SCFD2: variants seen among roughly 807,000 people sequenced by gnomAD.
The protein encoded by SCFD2 is sec1 family domain containing 2.
A neutral mutation model predicts 58.9 loss-of-function variants in SCFD2; 54 were observed. The observed-to-expected ratio is 0.92, with a 90% CI of 0.74 to 1.15. The LOEUF is 1.15. Among genes scored for constraint, SCFD2 ranks in the 50% most tolerant of loss-of-function variants. SCFD2 has a pLI of 0.00. For missense variants in SCFD2, 805 were observed against 836.6 expected (o/e 0.96, Z 0.47); for synonymous variants, 321 against 335.9 (o/e 0.96, Z 0.49).
intron 4 of SCFD2, among the ~76,000 whole-genome samples, chr4:53,236,459 T>C (rs1729614552): frequency 6.7e-6 from 1 of 149,906 alleles, no homozygotes; most frequent in Non-Finnish European, 1.5e-5. Context: ...AGGATATATA[T>C]ATATATATAT....
chr4:53,231,681 G>C (rs1268829679), intron 4 of SCFD2, among the ~76,000 whole-genome samples: 1 of 152,050 alleles, frequency 6.6e-6, no homozygotes, highest in African/African-American at 2.4e-5. Flanking sequence ...TGCCTTGGTT[G>C]ATAAATTCAT....
At chr4:52,992,681 C>T (rs1424830172) in intron 5 of SCFD2, among the ~76,000 whole-genome samples, 1 of 152,138 alleles carries the variant, frequency 6.6e-6, no homozygotes, top group Non-Finnish European at 1.5e-5. Context: ...TGGCCGCCAC[C>T]CCATCTGGGA....
At chr4:53,081,736 T>G (rs1470998829) in intron 5 of SCFD2, among the ~76,000 whole-genome samples, 1 of 152,150 alleles carries the variant, frequency 6.6e-6, no homozygotes, top group African/African-American at 2.4e-5. Context: ...TATATTATAT[T>G]GACAAGATTG....
intron 5 of SCFD2, among the ~76,000 whole-genome samples, chr4:52,980,342 G>C (rs1721348317): frequency 6.6e-6 from 1 of 152,104 alleles, no homozygotes; most frequent in Non-Finnish European, 1.5e-5. Flanking sequence ...GTTCAGTGTT[G>C]AGTAATTTGC....
intron 4 of SCFD2, among the ~76,000 whole-genome samples, chr4:53,153,338 C>T (rs1726569582): frequency 6.6e-6 from 1 of 152,228 alleles, no homozygotes; most frequent in Non-Finnish European, 1.5e-5. Context: ...TGCGTGCCTA[C>T]AGTCTTAAAA....
rs189471912 is a variant in SCFD2 at position 53,327,693 on chromosome 4, T to A, written c.1008-13930A>T. ...AATACAGGAGACTGAGCAAAGTAAG[T>A]AAATCTACTGAGGGATAAGAGGGTC... On this transcript the variant is annotated intron_variant, in intron 2 of 8. Coordinates refer to ENST00000401642, the MANE Select transcript of SCFD2 (RefSeq NM_152540.4). 2.6e-5 allele frequency among the ~76,000 whole-genome samples: 4 copies of A among 152,230 alleles called. 1 individual carries two copies. Among genetic ancestry groups the A allele is most frequent in the Middle Eastern group, 6.8e-3 (2 of 294 alleles).
chr4:53,034,672 C>A (rs752570960), intron 5 of SCFD2, among the ~76,000 whole-genome samples: 1 of 152,156 alleles, frequency 6.6e-6, no homozygotes, highest in Non-Finnish European at 1.5e-5. Flanking sequence ...CATTCCTATA[C>A]ACCAATAACA....
At chr4:53,332,292 C>A (rs1211515917) in intron 2 of SCFD2, among the ~76,000 whole-genome samples, 1 of 151,132 alleles carries the variant, frequency 6.6e-6, no homozygotes, top group East Asian at 1.9e-4. Context: ...GAGACACAAC[C>A]AAAAAAGAGA....
At chr4:53,091,270 A>G (rs1724461448) in intron 5 of SCFD2, among the ~76,000 whole-genome samples, 1 of 152,052 alleles carries the variant, frequency 6.6e-6, no homozygotes, top group African/African-American at 2.4e-5. Context: ...AGCAGAAAGG[A>G]ATAATGCTAT....
intron 4 of SCFD2, among the ~76,000 whole-genome samples, chr4:53,216,316 AT>A (rs1280986700): frequency 6.6e-6 from 1 of 152,098 alleles, no homozygotes; most frequent in East Asian, 1.9e-4. Flanking sequence ...TATTGCCTCA[AT>A]TTCAGAGCCT....
intron 5 of SCFD2, chr4:52,957,986 C>T (rs1186903114): frequency 6.6e-6 from 1 of 152,206 alleles, no homozygotes; most frequent in Non-Finnish European, 1.5e-5. Context: ...AACATACGGG[C>T]TCCTTGTGTA....
intron 3 of SCFD2, among the ~76,000 whole-genome samples, chr4:53,277,374 A>T (rs1731359111): frequency 6.6e-6 from 1 of 152,372 alleles, no homozygotes; most frequent in East Asian, 1.9e-4. Flanking sequence ...ATTTATTTAT[A>T]TAAACACTGT....
At chr4:53,248,026 T>A (rs1211896087) in intron 4 of SCFD2, among the ~76,000 whole-genome samples, 1 of 152,172 alleles carries the variant, frequency 6.6e-6, no homozygotes, top group Non-Finnish European at 1.5e-5. Context: ...TTCATCTCAC[T>A]AGGGAGTGCC....
At chr4:53,249,748 G>A (rs1343371489) in intron 4 of SCFD2, among the ~76,000 whole-genome samples, 1 of 152,128 alleles carries the variant, frequency 6.6e-6, no homozygotes, top group South Asian at 2.1e-4. Context: ...ACAAGCAAAT[G>A]CTGAGAGATT....
At chr4:52,996,312 G>A (rs186637051) in intron 5 of SCFD2, among the ~76,000 whole-genome samples, 91 of 152,364 alleles carry the variant, frequency 6.0e-4, no homozygotes, top group Non-Finnish European at 6.0e-4. Flanking sequence ...ATGTGCAGAC[G>A]ATAACAGAGC....
chr4:53,032,523 A>G (rs1722640139), intron 5 of SCFD2, among the ~76,000 whole-genome samples: 1 of 152,230 alleles, frequency 6.6e-6, no homozygotes, highest in Non-Finnish European at 1.5e-5. Flanking sequence ...AAGACCCATC[A>G]GTGTGCTGTA....
At chr4:52,886,065 G>A (rs1718733242) in intron 7 of SCFD2, among the ~76,000 whole-genome samples, 199 bp from the exon 8 acceptor site, 1 of 152,126 alleles carries the variant, frequency 6.6e-6, no homozygotes, top group South Asian at 2.1e-4. Flanking sequence ...ACAAGTCCCG[G>A]GTAAATCCAT....
intron 5 of SCFD2, among the ~76,000 whole-genome samples, chr4:52,990,134 T>C (rs1721585803): frequency 1.3e-5 from 2 of 152,246 alleles, no homozygotes; most frequent in Non-Finnish European, 2.9e-5. Context: ...GAAGGAGTGC[T>C]GAAGCAGGGG....
chr4:53,289,052 T>C (rs545722196), intron 3 of SCFD2, among the ~76,000 whole-genome samples: 18 of 152,296 alleles, frequency 1.2e-4, no homozygotes, highest in Non-Finnish European at 2.4e-4. Flanking sequence ...TGACCAAAGT[T>C]AAACCATTAT....
Sources: gnomAD v4.1 joint callset for allele counts (sites outside exome capture counted in the v4.1 genomes callset) on GRCh38, gnomAD v4.1.1 for gene constraint, MANE v1.5 for transcripts, NCBI Gene and HGNC (gene_info 2026-07-23, HGNC 2026-07-21) for gene names.